ASCC1: variants seen among roughly 807,000 people sequenced by gnomAD.
ASCC1 encodes the protein ASC-1 complex subunit P50.
A neutral mutation model predicts 46.6 loss-of-function variants in ASCC1; 35 were observed. The ratio of observed to expected loss-of-function variants is 0.75; its 90% CI spans 0.57 to 0.99. ASCC1 has a LOEUF of 0.99. Among genes scored for constraint, ASCC1 ranks in the 50% least tolerant of loss-of-function variants. The pLI is 0.00. For synonymous variants in ASCC1, 143 were observed against 146.6 expected, an observed-to-expected ratio of 0.98 and a Z score of 0.18; for missense variants, 376 against 428.7, an observed-to-expected ratio of 0.88 and a Z score of 1.09.
At chr10:72,127,437 T>C (rs1844998598) in intron 9 of ASCC1, among the ~76,000 whole-genome samples, 1 of 152,178 alleles carries the variant, frequency 6.6e-6, no homozygotes, top group African/African-American at 2.4e-5. Context: ...TGGTCAAAAA[T>C]GGACCATCTA....
At chr10:72,129,389 A>C (rs1845289505) in intron 8 of ASCC1, among the ~76,000 whole-genome samples, 1 of 152,234 alleles carries the variant, frequency 6.6e-6, no homozygotes, top group Admixed American at 6.5e-5. Flanking sequence ...GAAATGAAGC[A>C]CCAGGCATGG....
intron 9 of ASCC1, among the ~76,000 whole-genome samples, chr10:72,123,146 G>T (rs180984509): frequency 1.1e-3 from 171 of 152,096 alleles, no homozygotes; most frequent in African/African-American, 3.0e-3. Flanking sequence ...GACCATCCTG[G>T]CCAACATGGT....
chr10:72,189,320 A>C (rs1854022100), intron 5 of ASCC1, among the ~76,000 whole-genome samples: 1 of 151,998 alleles, frequency 6.6e-6, no homozygotes, highest in Non-Finnish European at 1.5e-5. Flanking sequence ...AGGCAGGAGA[A>C]TGGCGCAAAC....
chr10:72,122,764 C>T (rs1394493987), intron 9 of ASCC1, among the ~76,000 whole-genome samples: 6 of 151,754 alleles, frequency 4.0e-5, no homozygotes, highest in African/African-American at 7.3e-5. Context: ...GGTGACAGAG[C>T]GATGAGGCCC....
intron 5 of ASCC1, among the ~76,000 whole-genome samples, chr10:72,171,772 C>T (rs1851115568): frequency 6.6e-6 from 1 of 152,186 alleles, no homozygotes; most frequent in Non-Finnish European, 1.5e-5. Context: ...ATCTCAAAGT[C>T]TCTTTTGCCA....
intron 9 of ASCC1, among the ~76,000 whole-genome samples, chr10:72,110,959 G>A (rs1842859041): frequency 6.6e-6 from 1 of 152,182 alleles, no homozygotes. Flanking sequence ...TACCTCATTA[G>A]ACGGGAAGAC....
chr10:72,184,344 G>A (rs1168230280), intron 5 of ASCC1, among the ~76,000 whole-genome samples: 3 of 152,042 alleles, frequency 2.0e-5, no homozygotes, highest in Admixed American at 2.0e-4. Flanking sequence ...ATCTACTCCA[G>A]TTAAAAGGTA....
At chr10:72,167,371 T>C (rs1850485587) in intron 5 of ASCC1, among the ~76,000 whole-genome samples, 1 of 152,248 alleles carries the variant, frequency 6.6e-6, no homozygotes, top group African/African-American at 2.4e-5. Context: ...ACGTATTATA[T>C]GATTCTATCT....
intron 9 of ASCC1, among the ~76,000 whole-genome samples, chr10:72,104,674 C>T (rs983912669): frequency 3.9e-5 from 6 of 152,094 alleles, no homozygotes; most frequent in African/African-American, 9.7e-5. Flanking sequence ...AACATTTTCC[C>T]TGACACGCAC....
In ASCC1 at chr10:72,156,954, C is replaced by G. The variant is rs529330720; in HGVS notation, c.627-3966G>C. 2.6e-5 allele frequency among the ~76,000 whole-genome samples: 4 copies of G among 152,184 alleles called. 1 individual carries two copies. The highest frequency in any genetic ancestry group is 9.6e-5 in the African/African-American group (4 of 41,540). The stretch of plus-strand genomic sequence containing the variant: ...TTATTATTGCATAAGACCAAAACTT[C>G]TCTCAGTGTGAAACTAGTAACTCAA... On this transcript the variant is annotated intron_variant, in intron 6 of 9. Transcript: ENST00000672957.
Position 72,203,053 on chromosome 10 carries a change from G to A in ASCC1, c.310+374C>T, listed in dbSNP as rs556766480. On this transcript the variant is annotated intron_variant, in intron 4 of 9. Coordinates refer to ENST00000672957, the MANE Select transcript of ASCC1 (RefSeq NM_001198800.3). ...TATAATCCCAACACTTTGGGAGGCC[G>A]AGAGGGGAGGATCACCTGAGGTCAG... Among the ~76,000 whole-genome samples the A allele has an allele frequency of 7.9e-5, 12 of 152,174 alleles. No individual in the cohort carries two copies. The South Asian group carries it at 8.3e-4, about 11-fold the overall frequency.
chr10:72,170,534 G>A (rs1188693189), intron 5 of ASCC1, among the ~76,000 whole-genome samples: 1 of 150,578 alleles, frequency 6.6e-6, no homozygotes, highest in Non-Finnish European at 1.5e-5. Flanking sequence ...AGTTCAAGGT[G>A]CAGTGGTGCT....
chr10:72,149,242 T>C (rs1000563584), intron 7 of ASCC1, among the ~76,000 whole-genome samples: 1 of 151,678 alleles, frequency 6.6e-6, no homozygotes, highest in Admixed American at 6.6e-5. Context: ...ATCAAGACCA[T>C]CCTGGCTGAC....
chr10:72,194,516 C>T (rs1855062126), intron 5 of ASCC1, among the ~76,000 whole-genome samples: 2 of 151,806 alleles, frequency 1.3e-5, no homozygotes, highest in African/African-American at 4.8e-5. Flanking sequence ...ATTCATACAT[C>T]CACATATACT....
intron 5 of ASCC1, chr10:72,190,542 G>A: frequency 6.7e-7 from 1 of 1,488,500 alleles, no homozygotes; most frequent in Admixed American, 1.7e-5. Flanking sequence ...GCTTGGAGAA[G>A]GCGCAATACT....
chr10:72,203,987 G>A (rs557049640), intron 3 of ASCC1, among the ~76,000 whole-genome samples: 92 of 152,256 alleles, frequency 6.0e-4, no homozygotes, highest in Non-Finnish European at 1.2e-3. Context: ...AGTGGCTCAC[G>A]CCTGTAATCC....
chr10:72,154,692 A>C (rs375142684), intron 6 of ASCC1, among the ~76,000 whole-genome samples: 1 of 152,060 alleles, frequency 6.6e-6, no homozygotes, highest in Non-Finnish European at 1.5e-5. Context: ...AGGTTTTGCC[A>C]TGTTGCCCAG....
intron 5 of ASCC1, among the ~76,000 whole-genome samples, chr10:72,171,669 G>T (rs758896493): frequency 1.3e-5 from 2 of 152,006 alleles, no homozygotes; most frequent in Admixed American, 1.3e-4. Context: ...TGCCCACCTC[G>T]GCCTCCCAAA....
intron 8 of ASCC1, among the ~76,000 whole-genome samples, 169 bp downstream of exon 8, chr10:72,132,888 C>T (rs1388056197): frequency 1.3e-5 from 2 of 152,148 alleles, no homozygotes; most frequent in Admixed American, 6.5e-5. Flanking sequence ...AGCCACAGTT[C>T]CATGCTATAT....
Sources: gnomAD v4.1 joint callset for allele counts (sites outside exome capture counted in the v4.1 genomes callset) on GRCh38, gnomAD v4.1.1 for gene constraint, MANE v1.5 for transcripts, NCBI Gene and HGNC (gene_info 2026-07-23, HGNC 2026-07-21) for gene names.